Variants in GPRC6A observed in about 807,000 individuals in gnomAD.
The protein encoded by GPRC6A is G protein-coupled receptor class C group 6 member A, also known as G protein-coupled receptor family C group 6 member A.
A neutral mutation model predicts 47.0 loss-of-function variants in GPRC6A; 54 were observed. That is an observed-to-expected ratio of 1.15 (90% CI 0.92 to 1.44). The LOEUF is 1.44. GPRC6A is among the 40% of genes most tolerant of loss of function. The probability of loss-of-function intolerance (pLI) is 0.00; values close to 1 mark genes in which losing one functional copy is unlikely to be tolerated. For missense variants in GPRC6A, 1,112 were observed against 1,105.5 expected (o/e 1.01, Z -0.08); for synonymous variants, 347 against 377.1 (o/e 0.92, Z 0.93).
chr6:116,805,564 C>T (rs1772809815), intron 3 of GPRC6A, among the ~76,000 whole-genome samples: 1 of 151,924 alleles, frequency 6.6e-6, no homozygotes, highest in African/African-American at 2.4e-5. Flanking sequence ...AGTAAAACAT[C>T]ATTATTAAAA....
At position 116,806,821 on chromosome 6, in the gene GPRC6A, A is replaced by G. The variant is rs199893876; in HGVS notation, c.884T>C (p.Ile295Thr). 1 of 1,613,436 alleles carries G rather than the reference A, an allele frequency of 6.2e-7. No individual in the cohort carries two copies. The highest frequency in any genetic ancestry group is 8.5e-7 in the Non-Finnish European group (1 of 1,179,628). ...DLFNKAIEMN[I>T]NKMWIASDNW... ...ATCACTAGCAATCCACATCTTATTTATATTCATTTCAATGGCTTTATTGAA... is the reference window on the plus strand; with the variant it reads ...ATCACTAGCAATCCACATCTTATTTGTATTCATTTCAATGGCTTTATTGAA... Residue 295 changes from isoleucine to threonine, a missense_variant, in exon 3 of 6, where the codon ATA (isoleucine) becomes ACA (threonine). By Grantham distance (89) the Ile-to-Thr change is moderately conservative (BLOSUM62 -1). Transcript: ENST00000310357.
chr6:116,794,424 G>A lies in GPRC6A; in HGVS notation c.1673-1174C>T, dbSNP rs140216315. Among the ~76,000 whole-genome samples the A allele has an allele frequency of 1.7e-3, 258 of 152,196 alleles. 1 individual carries two copies. The highest frequency in any genetic ancestry group is 6.0e-3 in the African/African-American group (249 of 41,538). On this transcript the variant is annotated intron_variant, in intron 5 of 5. Transcript: ENST00000310357. ...GAGCTGTGTGTTAGAGAGATAGAGA[G>A]GAACAGCAGATGGTATCCTTTTAGG...
At chr6:116,807,335 C>A in intron 2 of GPRC6A, 129 bp from the exon 3 acceptor site, 2 of 635,914 alleles carry the variant, frequency 3.1e-6, no homozygotes, top group Non-Finnish European at 5.5e-6. Context: ...CTTTTTCATC[C>A]TTCTCCTTAC....
At position 116,793,249 on chromosome 6, in the gene GPRC6A, A is replaced by G; in HGVS notation, c.1674T>C (p.Asp558=). Reference sequence around the variant, plus strand: ...TGTTGCATAAAAGGCAGTGAGGCATATCTAAAAGACAGAGGAGACGCAGTT... The same window carrying G: ...TGTTGCATAAAAGGCAGTGAGGCATGTCTAAAAGACAGAGGAGACGCAGTT... ...CPENHYTNQT[D]MPHCLLCNNK... Residue 558 remains aspartate (D), a splice_region_variant and synonymous_variant, in exon 6 of 6, where the codon GAT becomes GAC. Coordinates refer to ENST00000310357, the MANE Select transcript of GPRC6A (RefSeq NM_148963.4). 6.3e-7 allele frequency: 1 copy of G among 1,582,344 alleles called. No individual in the cohort carries two copies. Among genetic ancestry groups the G allele is most frequent in the Non-Finnish European group, 8.6e-7 (1 of 1,165,736 alleles).
At chr6:116,794,387 A>T (rs1167276337) in intron 5 of GPRC6A, among the ~76,000 whole-genome samples, 1 of 152,152 alleles carries the variant, frequency 6.6e-6, no homozygotes, top group African/African-American at 2.4e-5. Context: ...TAATGGCCTC[A>T]TCTAGGTATG....
chr6:116,798,150 G>C (rs184493824), intron 4 of GPRC6A, among the ~76,000 whole-genome samples: 22 of 152,302 alleles, frequency 1.4e-4, no homozygotes, highest in Admixed American at 8.5e-4. Context: ...AAAATGTACA[G>C]AATGACAGAA....
chr6:116,811,882 C>T (rs1773036655), intron 1 of GPRC6A, among the ~76,000 whole-genome samples: 1 of 151,632 alleles, frequency 6.6e-6, no homozygotes, highest in Admixed American at 6.6e-5. Flanking sequence ...GTATATGGAA[C>T]ACCATGAAGT....
At chr6:116,820,109 A>C (rs1406591928) in intron 1 of GPRC6A, among the ~76,000 whole-genome samples, 1 of 150,034 alleles carries the variant, frequency 6.7e-6, no homozygotes, top group South Asian at 2.1e-4. Flanking sequence ...AAAATCTAGA[A>C]GAAATGGATA....
chr6:116,809,422 C>T lies in GPRC6A; in HGVS notation c.390G>A (p.Lys130=), dbSNP rs1396768344. The part of the protein sequence containing the change: ...FNCSRETVEF[K]CDYSSYMPRV... ...TTGGCATGTAGCTGGAATAGTCACA[C>T]TTAAACTCCACAGTTTCTCTGGAGC... is the stretch of plus-strand genomic sequence containing the variant. Residue 130 remains lysine, a synonymous_variant, in exon 2 of 6, where the codon AAG becomes AAA. Coordinates refer to ENST00000310357, the MANE Select transcript of GPRC6A (RefSeq NM_148963.4). 9.9e-6 allele frequency: 16 copies of T among 1,613,728 alleles called. No homozygotes were observed. Among genetic ancestry groups the T allele is most frequent in the Non-Finnish European group, 1.4e-5 (16 of 1,179,778 alleles).
At chr6:116,808,400 A>G (rs1019459619) in intron 2 of GPRC6A, among the ~76,000 whole-genome samples, 1 of 152,154 alleles carries the variant, frequency 6.6e-6, no homozygotes, top group Non-Finnish European at 1.5e-5. Context: ...AGTATCATAC[A>G]TAGTCTAGAA....
At position 116,792,719 on chromosome 6, in the gene GPRC6A, G is replaced by A. The variant is rs1397606488; in HGVS notation, c.2204C>T (p.Ser735Phe). ...FAAPTVEVNV[S>F]LPRVIILECE... ...CTCCAGGATGATGACTCTGGGCAAG[G>A]AGACATTCACCTCTACAGTAGGTGC... is the stretch of plus-strand genomic sequence containing the variant. Residue 735 changes from serine (S) to phenylalanine (F), a missense_variant, in exon 6 of 6, where the codon TCC becomes TTC. Transcript: ENST00000310357. The A allele has an allele frequency of 6.2e-7, 1 of 1,613,072 alleles. No homozygotes were observed. Among genetic ancestry groups the A allele is most frequent in the South Asian group, 1.1e-5 (1 of 91,050 alleles).
intron 4 of GPRC6A, among the ~76,000 whole-genome samples, chr6:116,797,728 C>T (rs960257622): frequency 6.6e-6 from 1 of 152,112 alleles, no homozygotes; most frequent in African/African-American, 2.4e-5. Flanking sequence ...AAATAATAAC[C>T]ATCTCTGCAT....
intron 1 of GPRC6A, among the ~76,000 whole-genome samples, chr6:116,816,665 G>A (rs888871453): frequency 6.6e-6 from 1 of 152,250 alleles, no homozygotes; most frequent in Non-Finnish European, 1.5e-5. Context: ...AGTGGGCGCA[G>A]GTCAGTGGGT....
chr6:116,829,079 A>T lies in GPRC6A; in HGVS notation c.-66T>A. The stretch of plus-strand genomic sequence containing the variant: ...ATCATTAAGTGCACGGAGTGCCAGC[A>T]AGATTCCTATTTCACCTGTAAACAC... On this transcript the variant is annotated 5_prime_UTR_variant, in exon 1 of 6. Transcript: ENST00000310357. 4 of 1,531,378 alleles carry T rather than the reference A, an allele frequency of 2.6e-6. No individual in the cohort carries two copies. The highest frequency in any genetic ancestry group is 1.4e-5 in the African/African-American group (1 of 72,084). 94.9% of individuals were successfully genotyped at this position (1,531,378 alleles called of 1,614,324 possible).
chr6:116,809,347 G>A lies in GPRC6A; in HGVS notation c.465C>T (p.Val155=), dbSNP rs761736695. 15 of 1,613,532 alleles carry A rather than the reference G, an allele frequency of 9.3e-6. No individual in the cohort carries two copies. In the South Asian group the frequency reaches 1.5e-4, roughly 17 times the overall value. Residue 155 remains valine, a synonymous_variant, in exon 2 of 6, where the codon GTC becomes GTT. Transcript: ENST00000310357. Reference sequence around the variant, plus strand: ...TGAGCTGTAAATTCAACATCCTGGAGACAGCCATAGTTATTTCTGAGTACC... The same window carrying A: ...TGAGCTGTAAATTCAACATCCTGGAAACAGCCATAGTTATTTCTGAGTACC... ...GSGYSEITMA[V]SRMLNLQLMP... is the part of the protein sequence containing the mutation.
Position 116,792,388 on chromosome 6 carries a change from T to C in GPRC6A, c.2535A>G (p.Thr845=), listed in dbSNP as rs1772331272. 1.9e-6 allele frequency: 3 copies of C among 1,614,066 alleles called. No homozygotes were observed. Among genetic ancestry groups the C allele is most frequent in the African/African-American group, 1.3e-5 (1 of 75,046 alleles). Residue 845 remains threonine, a synonymous_variant, in exon 6 of 6, where the codon ACA becomes ACG. Coordinates refer to ENST00000310357, the MANE Select transcript of GPRC6A (RefSeq NM_148963.4). ...AGATCATCTTGAGAAAGGCAGACTT[T>C]GTGTTAATCTCTTGCTTACAAATAA... is the stretch of plus-strand genomic sequence containing the variant. ...YVIICKQEIN[T]KSAFLKMIYS...
intron 1 of GPRC6A, among the ~76,000 whole-genome samples, chr6:116,828,566 T>C (rs766027435): frequency 6.6e-6 from 1 of 152,100 alleles, no homozygotes; most frequent in Non-Finnish European, 1.5e-5. Context: ...CATTGTTTTT[T>C]AAAGGCAAAA....
chr6:116,801,670 G>C (rs1161283363), intron 3 of GPRC6A, among the ~76,000 whole-genome samples: 1 of 151,918 alleles, frequency 6.6e-6, no homozygotes, highest in Non-Finnish European at 1.5e-5. Flanking sequence ...TTTGTCAATA[G>C]AATATAAAAA....
At position 116,806,612 on chromosome 6, in the gene GPRC6A, C is replaced by T. The variant is rs201943383; in HGVS notation, c.1093G>A (p.Ala365Thr). ...HEYAMHLSAC[A>T]YVKDTDLSQC... ...CTCAAATCAGTGTCCTTGACATATGCGCAGGCAGATAAATGCATGGCATAT... is the reference window on the plus strand; with the variant it reads ...CTCAAATCAGTGTCCTTGACATATGTGCAGGCAGATAAATGCATGGCATAT... Residue 365 changes from alanine (A) to threonine (T), a missense_variant, in exon 3 of 6, where the codon GCA becomes ACA. Physicochemically the swap from Ala to Thr is moderately conservative, Grantham distance 58. Transcript: ENST00000310357. 58 of 1,613,218 alleles carry T rather than the reference C, an allele frequency of 3.6e-5. No individual in the cohort carries two copies. Among genetic ancestry groups the T allele is most frequent in the African/African-American group, 5.3e-5 (4 of 74,854 alleles).
Sources: allele counts gnomAD v4.1 joint callset (sites outside exome capture counted in the v4.1 genomes callset), GRCh38; gene constraint gnomAD v4.1.1; transcripts MANE v1.5; gene names NCBI Gene and HGNC (gene_info 2026-07-23, HGNC 2026-07-21).